PDGFD: variants seen among roughly 807,000 people sequenced by gnomAD.
The protein encoded by PDGFD is platelet-derived growth factor D.
PDGFD carries 30 observed loss-of-function variants against 44.7 expected under a neutral mutation model. The ratio of observed to expected loss-of-function variants is 0.67; its 90% CI spans 0.50 to 0.91. PDGFD has a LOEUF of 0.91. PDGFD is among the 40% of genes least tolerant of loss of function. The pLI is 0.00. For missense variants in PDGFD, 445 were observed against 457.8 expected (o/e 0.97, Z 0.25); for synonymous variants, 173 against 168.4 (o/e 1.03, Z -0.21).
At chr11:103,964,631 T>G (rs1355296065) in intron 3 of PDGFD, among the ~76,000 whole-genome samples, 1 of 152,108 alleles carries the variant, frequency 6.6e-6, no homozygotes, top group Non-Finnish European at 1.5e-5. Context: ...ACCCTTCTAA[T>G]CTCTATCCAA....
intron 6 of PDGFD, among the ~76,000 whole-genome samples, chr11:103,917,707 T>G (rs567418578): frequency 2.8e-4 from 42 of 152,332 alleles, no homozygotes; most frequent in Non-Finnish European, 5.1e-4. Flanking sequence ...GTCCAGGGTC[T>G]TCCCCTGACT....
At chr11:104,068,964 A>C (rs1198669209) in intron 1 of PDGFD, among the ~76,000 whole-genome samples, 1 of 152,184 alleles carries the variant, frequency 6.6e-6, no homozygotes, top group African/African-American at 2.4e-5. Context: ...CATGGATGCA[A>C]TCATTAAAAT....
At chr11:104,138,243 C>A (rs1470485615) in intron 1 of PDGFD, among the ~76,000 whole-genome samples, 7 of 152,084 alleles carry the variant, frequency 4.6e-5, no homozygotes. Context: ...AAAATGACAA[C>A]ACATTCTAAA....
intron 1 of PDGFD, among the ~76,000 whole-genome samples, chr11:104,075,107 T>C (rs1860937599): frequency 6.6e-6 from 1 of 152,196 alleles, no homozygotes; most frequent in Admixed American, 6.5e-5. Context: ...CATTATTCTG[T>C]AATGCCATAA....
At chr11:104,037,915 G>A (rs1471408433) in intron 1 of PDGFD, 1 of 1,614,180 alleles carries the variant, frequency 6.2e-7, no homozygotes, top group Admixed American at 1.7e-5. Context: ...TCCTGAGGGA[G>A]AGTTGCCCTT....
At chr11:103,940,293 C>G (rs1858563637) in intron 5 of PDGFD, among the ~76,000 whole-genome samples, 1 of 152,070 alleles carries the variant, frequency 6.6e-6, no homozygotes, top group Admixed American at 6.6e-5. Context: ...TCATAAAACT[C>G]TGTGTTTTGT....
chr11:104,048,554 G>A (rs1373309736), intron 1 of PDGFD, among the ~76,000 whole-genome samples: 2 of 152,174 alleles, frequency 1.3e-5, no homozygotes, highest in African/African-American at 4.8e-5. Flanking sequence ...CCTATGGACA[G>A]CTAGAGCAGA....
chr11:103,915,295 C>T (rs550219641), intron 6 of PDGFD, among the ~76,000 whole-genome samples: 3 of 152,122 alleles, frequency 2.0e-5, no homozygotes, highest in Non-Finnish European at 1.5e-5. Flanking sequence ...CATTCTTATA[C>T]GCCAATAATA....
chr11:104,139,556 G>T (rs1007273380), intron 1 of PDGFD, among the ~76,000 whole-genome samples: 1 of 152,122 alleles, frequency 6.6e-6, no homozygotes, highest in Non-Finnish European at 1.5e-5. Flanking sequence ...CAAAAGTTAC[G>T]TGTAGTAGCT....
At chr11:103,965,101 T>G (rs72986830) in intron 3 of PDGFD, among the ~76,000 whole-genome samples, 24,211 of 151,924 alleles carry the variant, frequency 0.16, 2,344 homozygotes, top group Middle Eastern at 0.35. Flanking sequence ...AAAGGAAAAC[T>G]TTTTATTTTA....
chr11:104,006,583 A>T, intron 1 of PDGFD, among the ~76,000 whole-genome samples: 1 of 152,070 alleles, frequency 6.6e-6, no homozygotes, highest in East Asian at 1.9e-4. Flanking sequence ...TGGGTCTGCC[A>T]TGCCACCCTA....
intron 1 of PDGFD, among the ~76,000 whole-genome samples, chr11:104,031,521 AG>A (rs1860125680): frequency 6.6e-6 from 1 of 152,228 alleles, no homozygotes; most frequent in African/African-American, 2.4e-5. Flanking sequence ...GTTGAGAAAT[AG>A]GAATGCTTTT....
chr11:103,911,283 G>A (rs1858025403), intron 6 of PDGFD, among the ~76,000 whole-genome samples: 1 of 152,182 alleles, frequency 6.6e-6, no homozygotes, highest in African/African-American at 2.4e-5. Context: ...CATGTATCCT[G>A]ACTGGGAGAC....
chr11:104,044,679 G>A (rs1406066754), intron 1 of PDGFD, among the ~76,000 whole-genome samples: 1 of 152,050 alleles, frequency 6.6e-6, no homozygotes, highest in African/African-American at 2.4e-5. Context: ...CCACTCCAAG[G>A]GCAATATACC....
Position 104,066,218 on chromosome 11 carries a change from C to T in PDGFD, c.125-65963G>A, listed in dbSNP as rs528825066. Among the ~76,000 whole-genome samples the T allele has an allele frequency of 7.9e-5, 12 of 152,178 alleles. No homozygotes were observed. In the South Asian group the frequency reaches 1.9e-3, roughly 24 times the overall value. ...ATATATGCTGACTGGAATCATAAGC[C>T]ATGATTTGTTAAAATCACCAAAAAT... On this transcript the variant is annotated intron_variant, in intron 1 of 6. Transcript: ENST00000393158.
intron 3 of PDGFD, among the ~76,000 whole-genome samples, chr11:103,973,138 CT>C (rs555810765): frequency 0.015 from 2,053 of 134,364 alleles, 22 homozygotes; most frequent in African/African-American, 0.031. Flanking sequence ...AAAGTGGTCA[CT>C]TTTTTTTTTT....
chr11:103,909,597 G>C lies in PDGFD; in HGVS notation c.*97C>G. ...CTTGTGTTCATTGCATTGCAGGCTA[G>C]TAGTAAGTTTGGTTGCTGGTAGGAA... On this transcript the variant is annotated 3_prime_UTR_variant, in exon 7 of 7. Coordinates refer to ENST00000393158, the MANE Select transcript of PDGFD (RefSeq NM_025208.5). 1 of 1,463,074 alleles carries C rather than the reference G, an allele frequency of 6.8e-7. No individual in the cohort carries two copies. Among genetic ancestry groups the C allele is most frequent in the Non-Finnish European group, 9.5e-7 (1 of 1,056,930 alleles). 90.6% of individuals were successfully genotyped at this position (1,463,074 alleles called of 1,614,324 possible).
chr11:103,913,278 GA>G (rs1378936848), intron 6 of PDGFD, among the ~76,000 whole-genome samples: 1 of 152,106 alleles, frequency 6.6e-6, no homozygotes, highest in Non-Finnish European at 1.5e-5. Context: ...AAATGCAAAA[GA>G]ACAGAAATCC....
At chr11:103,983,262 A>G (rs1289744249) in intron 3 of PDGFD, among the ~76,000 whole-genome samples, 1 of 151,522 alleles carries the variant, frequency 6.6e-6, no homozygotes, top group East Asian at 1.9e-4. Flanking sequence ...ACAAAATAAG[A>G]CCACTCACCT....
Sources: allele counts gnomAD v4.1 joint callset (sites outside exome capture counted in the v4.1 genomes callset), GRCh38; gene constraint gnomAD v4.1.1; transcripts MANE v1.5; gene names NCBI Gene and HGNC (gene_info 2026-07-23, HGNC 2026-07-21).